Variants in DEFB132 observed in about 807,000 individuals in gnomAD.
DEFB132 encodes beta-defensin 132.
Under a neutral mutation model 2.5 loss-of-function variants are expected in DEFB132, and 5 were observed. That is an observed-to-expected ratio of 2.00 (90% CI 1.04 to 4.20). The LOEUF (loss-of-function observed/expected upper bound fraction) is 4.20, where lower values mean the gene tolerates loss of function less well. Ranked by LOEUF, DEFB132 falls within the 30% of genes most tolerant of loss-of-function variation. DEFB132 has a pLI of 0.00. For missense variants in DEFB132, 112 were observed against 110.0 expected (o/e 1.02, Z -0.08); for synonymous variants, 53 against 46.2 (o/e 1.15, Z -0.60).
At position 258,235 on chromosome 20, in the gene DEFB132, A is replaced by G. The variant is rs547264302; in HGVS notation, c.58+399A>G. 7.9e-5 allele frequency among the ~76,000 whole-genome samples: 12 copies of G among 152,302 alleles called. No individual in the cohort carries two copies. The South Asian group carries it at 1.4e-3, about 18-fold the overall frequency. ...CTAGAAGGAAGAGATTGAGGTTCCC[A>G]TCCCTATGCTCAACAGACAGCTGGC... is the stretch of plus-strand genomic sequence containing the variant. On this transcript the variant is annotated intron_variant, in intron 1 of 1. Coordinates refer to ENST00000382376, the MANE Select transcript of DEFB132 (RefSeq NM_207469.3).
In DEFB132 at chr20:260,677, C is replaced by G. The variant is rs577669434; in HGVS notation, c.*1371C>G. 6.6e-6 allele frequency: 1 copy of G among 152,286 alleles called. No homozygotes were observed. The highest frequency in any genetic ancestry group is 2.4e-5 in the African/African-American group (1 of 41,564). The allele number at this position is 152,286 out of a possible 1,614,324, so 9.4% of individuals were successfully genotyped here. ...AAATAATTAAAAACGGTCCTAAAAA[C>G]TAGCAAACCAGATAAGAAAAGATGT... On this transcript the variant is annotated 3_prime_UTR_variant, in exon 2 of 2. Transcript: ENST00000382376.
intron 1 of DEFB132, among the ~76,000 whole-genome samples, chr20:258,462 C>T (rs1448777232): frequency 2.0e-5 from 3 of 152,134 alleles, no homozygotes; most frequent in Non-Finnish European, 4.4e-5. Flanking sequence ...TGAGGGTGCT[C>T]CGAAGAGGCC....
At position 259,915 on chromosome 20, in the gene DEFB132, GT is replaced by G. The variant is rs922323084; in HGVS notation, c.*610del. The G allele has an allele frequency of 6.5e-6, 1 of 153,926 alleles. No individual in the cohort carries two copies. Among genetic ancestry groups the G allele is most frequent in the Non-Finnish European group, 1.4e-5 (1 of 69,706 alleles). 9.5% of individuals were successfully genotyped at this position (153,926 alleles called of 1,614,324 possible). A position where few individuals can be genotyped will look rare whatever the true frequency, so the allele number is the denominator to read the frequency against. ...ACCATAGGTCTGGAAGTATGAGGCT[GT>G]CCACCAACTATCCCCTTGAAGCAAG... On this transcript the variant is annotated 3_prime_UTR_variant, in exon 2 of 2. Transcript: ENST00000382376.
chr20:257,874 C>T (rs375177598), intron 1 of DEFB132, 38 bp downstream of exon 1: 10 of 1,585,902 alleles, frequency 6.3e-6, no homozygotes, highest in East Asian at 2.3e-5. Context: ...AAACTGGGAA[C>T]GAGGAACACT....
chr20:257,727 G>A lies in DEFB132; in HGVS notation c.-52G>A. 1 of 1,566,764 alleles carries A rather than the reference G, an allele frequency of 6.4e-7. No individual in the cohort carries two copies. Among genetic ancestry groups the A allele is most frequent in the Non-Finnish European group, 8.8e-7 (1 of 1,141,444 alleles). ...GCAGTAGCTCCAAGCACATTACAGA[G>A]GGACCCAACTCCATTAAACCACCAC... On this transcript the variant is annotated 5_prime_UTR_variant, in exon 1 of 2. Coordinates refer to ENST00000382376, the MANE Select transcript of DEFB132 (RefSeq NM_207469.3).
At position 259,106 on chromosome 20, in the gene DEFB132, A is replaced by T. The variant is rs1342753875; in HGVS notation, c.88A>T (p.Asn30Tyr). The change falls in exon 2 of 2, where the codon AAC (asparagine) becomes TAC (tyrosine). Residue 30 changes from asparagine (N) to tyrosine (Y), a missense_variant. Coordinates refer to ENST00000382376, the MANE Select transcript of DEFB132 (RefSeq NM_207469.3). ...TGCAGGTGGGTCAAAATGTGTGAGT[A>T]ACACCCCAGGATACTGCAGGACATG... ...ASAGGSKCVS[N>Y]TPGYCRTCCH... 2 of 1,614,206 alleles carry T rather than the reference A, an allele frequency of 1.2e-6. No homozygotes were observed. The highest frequency in any genetic ancestry group is 1.1e-5 in the South Asian group (1 of 91,078).
intron 1 of DEFB132, among the ~76,000 whole-genome samples, chr20:258,767 A>ACTGTTAAGACCTGGTCCCCACCC (rs750222789): frequency 6.9e-6 from 1 of 145,254 alleles, no homozygotes; most frequent in Non-Finnish European, 1.5e-5. Flanking sequence ...CTCCTCCCTG[A>ACTGTTAAGACCTGGTCCCCACCC]CCGTGAAGAC....
At position 259,629 on chromosome 20, in the gene DEFB132, CAG is replaced by C. The variant is rs1163122538; in HGVS notation, c.*326_*327del. The C allele has an allele frequency of 1.1e-5, 4 of 368,292 alleles. No individual in the cohort carries two copies. Among genetic ancestry groups the C allele is most frequent in the Non-Finnish European group, 2.1e-5 (4 of 194,184 alleles). The allele number at this position is 368,292 out of a possible 1,614,324, so 22.8% of individuals were successfully genotyped here. On this transcript the variant is annotated 3_prime_UTR_variant, in exon 2 of 2. Coordinates refer to ENST00000382376, the MANE Select transcript of DEFB132 (RefSeq NM_207469.3). ...ACACCTCTGATGGACAAAGGTGAGA[CAG>C]AGCAGCCACAGGCAGGGAGAGCCTT...
chr20:258,260 C>T (rs531150837), intron 1 of DEFB132, among the ~76,000 whole-genome samples: 2 of 152,228 alleles, frequency 1.3e-5, no homozygotes, highest in South Asian at 4.1e-4. Flanking sequence ...AGACAGCTGG[C>T]AGGTGGGGGA....
In DEFB132 at chr20:259,243, G is replaced by A; in HGVS notation, c.225G>A (p.Trp75Ter). 1.9e-6 allele frequency: 3 copies of A among 1,601,566 alleles called. No individual in the cohort carries two copies. The highest frequency in any genetic ancestry group is 1.7e-6 in the Non-Finnish European group (2 of 1,173,674). Residue 75 changes from tryptophan to a stop codon, truncating the protein, a stop_gained, in exon 2 of 2, where the codon TGG becomes TGA. Coordinates refer to ENST00000382376, the MANE Select transcript of DEFB132 (RefSeq NM_207469.3). LOFTEE classifies it low-confidence loss of function (END_TRUNC). ...PDLPQLIGNH[W>*]QSRRRNTQRK... ...TACCACAGCTCATCGGTAACCACTG[G>A]CAATCAAGGAGAAGAAACACACAAA... is the stretch of plus-strand genomic sequence containing the variant.
At chr20:257,927 G>T in intron 1 of DEFB132, 91 bp downstream of exon 1, 1 of 1,369,016 alleles carries the variant, frequency 7.3e-7, no homozygotes, top group Non-Finnish European at 1.0e-6. Context: ...CAGGTTGGGT[G>T]GAGGCAGGGC....
chr20:259,481 T>C lies in DEFB132; in HGVS notation c.*175T>C, dbSNP rs1600177019. Reference sequence around the variant, plus strand: ...ATTCATCTAGTAACTAATTTGGAGTTTGTATCTATCTTACGAGAACAATCA... The same window carrying C: ...ATTCATCTAGTAACTAATTTGGAGTCTGTATCTATCTTACGAGAACAATCA... On this transcript the variant is annotated 3_prime_UTR_variant, in exon 2 of 2. Transcript: ENST00000382376. 1.5e-5 allele frequency: 10 copies of C among 672,556 alleles called. No homozygotes were observed. In the East Asian group the frequency reaches 2.7e-4, roughly 18 times the overall value. The allele number at this position is 672,556 out of a possible 1,614,324, so 41.7% of individuals were successfully genotyped here.
chr20:259,221 C>T lies in DEFB132; in HGVS notation c.203C>T (p.Pro68Leu). Residue 68 changes from proline to leucine, a missense_variant, in exon 2 of 2, where the codon CCA becomes CTA. Pro to Leu is a moderately conservative substitution (Grantham distance 98). Coordinates refer to ENST00000382376, the MANE Select transcript of DEFB132 (RefSeq NM_207469.3). ...TCCTTCCTGCCGAAGCCTGACCTAC[C>T]ACAGCTCATCGGTAACCACTGGCAA... Reference protein sequence around the residue: ...SYSFLPKPDLPQLIGNHWQSR... With the variant: ...SYSFLPKPDLLQLIGNHWQSR... 6.2e-7 allele frequency: 1 copy of T among 1,613,074 alleles called. No homozygotes were observed. The highest frequency in any genetic ancestry group is 8.5e-7 in the Non-Finnish European group (1 of 1,179,338).
In DEFB132 at chr20:260,109, G is replaced by A. The variant is rs975161478; in HGVS notation, c.*803G>A. The A allele has an allele frequency of 1.3e-5, 2 of 152,178 alleles. No homozygotes were observed. The highest frequency in any genetic ancestry group is 4.8e-5 in the African/African-American group (2 of 41,430). The allele number at this position is 152,178 out of a possible 1,614,324, so 9.4% of individuals were successfully genotyped here. ...GCAGACAGAATACATAGCCACCATT[G>A]GTAGTACACCCCAAAAGCAAGGATG... On this transcript the variant is annotated 3_prime_UTR_variant, in exon 2 of 2. Coordinates refer to ENST00000382376, the MANE Select transcript of DEFB132 (RefSeq NM_207469.3).
At position 259,485 on chromosome 20, in the gene DEFB132, A is replaced by G. The variant is rs1001088783; in HGVS notation, c.*179A>G. 14 of 663,728 alleles carry G rather than the reference A, an allele frequency of 2.1e-5. No homozygotes were observed. The highest frequency in any genetic ancestry group is 2.5e-4 in the Middle Eastern group (1 of 4,010). 41.1% of individuals were successfully genotyped at this position (663,728 alleles called of 1,614,324 possible). A position where few individuals can be genotyped will look rare whatever the true frequency, so the allele number is the denominator to read the frequency against. On this transcript the variant is annotated 3_prime_UTR_variant, in exon 2 of 2. Transcript: ENST00000382376. ...ATCTAGTAACTAATTTGGAGTTTGT[A>G]TCTATCTTACGAGAACAATCATCAT...
rs941645592 is a variant in DEFB132 at position 257,935 on chromosome 20, G to A, written c.58+99G>A. 511 of 1,227,252 alleles carry A rather than the reference G, an allele frequency of 4.2e-4. 4 individuals are homozygous for A. Among genetic ancestry groups the A allele is most frequent in the Non-Finnish European group, 1.2e-4 (107 of 860,662 alleles). The allele number at this position is 1,227,252 out of a possible 1,614,324, so 76.0% of individuals were successfully genotyped here. ...GATGAGCCAGGTTGGGTGGAGGCAG[G>A]GCTCACCCCACTGAGTTCCAGTCTA... On this transcript the variant is annotated intron_variant, in intron 1 of 1. Transcript: ENST00000382376.
chr20:259,261 C>T lies in DEFB132; in HGVS notation c.243C>T (p.Asn81=). 6.2e-7 allele frequency: 1 copy of T among 1,610,830 alleles called. No individual in the cohort carries two copies. Among genetic ancestry groups the T allele is most frequent in the Non-Finnish European group, 8.5e-7 (1 of 1,178,344 alleles). The change falls in exon 2 of 2, where the codon AAC becomes AAT. Residue 81 remains asparagine, a synonymous_variant. Coordinates refer to ENST00000382376, the MANE Select transcript of DEFB132 (RefSeq NM_207469.3). Reference sequence around the variant, plus strand: ...ACCACTGGCAATCAAGGAGAAGAAACACACAAAGGAAAGACAAGAAGCAAC... The same window carrying T: ...ACCACTGGCAATCAAGGAGAAGAAATACACAAAGGAAAGACAAGAAGCAAC... The part of the protein sequence containing the change: ...IGNHWQSRRR[N]TQRKDKKQQT...
At position 259,533 on chromosome 20, in the gene DEFB132, T is replaced by G. The variant is rs1476397911; in HGVS notation, c.*227T>G. ...CATGCAGATTCGTCCACAGGGGATC[T>G]GTCAGTTTGGGTCCTCCAAATGAAA... On this transcript the variant is annotated 3_prime_UTR_variant, in exon 2 of 2. Coordinates refer to ENST00000382376, the MANE Select transcript of DEFB132 (RefSeq NM_207469.3). The G allele has an allele frequency of 1.8e-6, 1 of 553,172 alleles. No individual in the cohort carries two copies. The highest frequency in any genetic ancestry group is 3.2e-6 in the Non-Finnish European group (1 of 310,454). 34.3% of individuals were successfully genotyped at this position (553,172 alleles called of 1,614,324 possible).
At position 259,252 on chromosome 20, in the gene DEFB132, G is replaced by A; in HGVS notation, c.234G>A (p.Arg78=). Residue 78 remains arginine (R), a synonymous_variant, in exon 2 of 2, where the codon AGG becomes AGA. Transcript: ENST00000382376. ...PQLIGNHWQS[R]RRNTQRKDKK... is the part of the protein sequence containing the mutation. ...TCATCGGTAACCACTGGCAATCAAG[G>A]AGAAGAAACACACAAAGGAAAGACA... 1.3e-6 allele frequency: 2 copies of A among 1,569,278 alleles called. No homozygotes were observed. The highest frequency in any genetic ancestry group is 1.7e-6 in the Non-Finnish European group (2 of 1,153,074).
Sources: gnomAD v4.1 joint callset for allele counts (sites outside exome capture counted in the v4.1 genomes callset) on GRCh38, gnomAD v4.1.1 for gene constraint, MANE v1.5 for transcripts, NCBI Gene and HGNC (gene_info 2026-07-23, HGNC 2026-07-21) for gene names.